MSN: variants seen among roughly 807,000 people sequenced by gnomAD.
MSN encodes epididymis luminal protein 70.
MSN carries 2 observed loss-of-function variants against 48.0 expected under a neutral mutation model. The ratio of observed to expected loss-of-function variants is 0.04; its 90% CI spans 0.02 to 0.13. The LOEUF (loss-of-function observed/expected upper bound fraction) is 0.13, where lower values mean the gene tolerates loss of function less well. MSN is among the 10% of genes least tolerant of loss of function. The probability of loss-of-function intolerance (pLI) is 1.00; values close to 1 mark genes in which losing one functional copy is unlikely to be tolerated. For missense variants in MSN, 267 were observed against 470.1 expected (o/e 0.57, Z 3.99); for synonymous variants, 146 against 166.9 (o/e 0.87, Z 0.97).
intron 1 of MSN, among the ~76,000 whole-genome samples, chrX:65,714,827 T>C (rs1421335213): frequency 1.8e-5 from 2 of 112,238 alleles, no homozygotes; most frequent in South Asian, 3.7e-4. Flanking sequence ...ATCTCATTTG[T>C]CAATTTTTGC....
At chrX:65,605,314 T>C (rs1026594909) in intron 1 of MSN, among the ~76,000 whole-genome samples, 2 of 112,176 alleles carry the variant, frequency 1.8e-5, no homozygotes, top group African/African-American at 6.5e-5. Flanking sequence ...TTGCCTCCTC[T>C]TTCTTATTAC....
intron 1 of MSN, among the ~76,000 whole-genome samples, chrX:65,601,350 G>A (rs2070233612): frequency 8.9e-6 from 1 of 112,092 alleles, no homozygotes; most frequent in Non-Finnish European, 1.9e-5. Flanking sequence ...CCTTGGGTGG[G>A]GTGAGGAGGG....
chrX:65,715,551 T>C (rs1418023374), intron 1 of MSN, among the ~76,000 whole-genome samples: 2 of 111,899 alleles, frequency 1.8e-5, no homozygotes, highest in African/African-American at 6.5e-5. Context: ...CTTCCCTAGT[T>C]AACAGTATTC....
chrX:65,694,061 AC>A (rs780469946), intron 1 of MSN, among the ~76,000 whole-genome samples: 2 of 108,584 alleles, frequency 1.8e-5, no homozygotes, highest in Non-Finnish European at 3.8e-5. Context: ...TCAAACAAAC[AC>A]ACAAACAAAA....
At chrX:65,680,258 T>C (rs1420089858) in intron 1 of MSN, among the ~76,000 whole-genome samples, 1 of 112,253 alleles carries the variant, frequency 8.9e-6, no homozygotes, top group Non-Finnish European at 1.9e-5. Context: ...CATTTTAACA[T>C]GGCAATAATT....
intron 1 of MSN, among the ~76,000 whole-genome samples, chrX:65,593,806 G>A (rs1187519478): frequency 1.8e-5 from 2 of 112,893 alleles, no homozygotes; most frequent in Non-Finnish European, 3.7e-5. Context: ...GCCTCCCAAA[G>A]TGCTGGGATT....
chrX:65,618,554 G>T (rs1361406513), intron 1 of MSN, among the ~76,000 whole-genome samples: 9 of 111,133 alleles, frequency 8.1e-5, no homozygotes, highest in African/African-American at 1.6e-4. Flanking sequence ...GTTTTCCATT[G>T]GCTTGGTAGA....
intron 1 of MSN, among the ~76,000 whole-genome samples, chrX:65,708,491 C>T (rs2071383638): frequency 9.1e-6 from 1 of 110,054 alleles, no homozygotes; most frequent in Non-Finnish European, 1.9e-5. Flanking sequence ...TGGGGTTTTG[C>T]CATGTTGGCC....
At chrX:65,615,227 G>A (rs1413054389) in intron 1 of MSN, among the ~76,000 whole-genome samples, 2 of 109,019 alleles carry the variant, frequency 1.8e-5, no homozygotes, top group East Asian at 2.9e-4. Flanking sequence ...CCCAGTAATG[G>A]GATGGCTGGG....
chrX:65,675,929 C>T lies in MSN; in HGVS notation c.12+8076C>T, dbSNP rs181596381. On this transcript the variant is annotated intron_variant, in intron 1 of 12. Transcript: ENST00000360270. Reference sequence around the variant, plus strand: ...GTGGGATTACAGGTGTGAGCCACCACGCCCAGCCTGGGCAAATTAATTTTT... The same window carrying T: ...GTGGGATTACAGGTGTGAGCCACCATGCCCAGCCTGGGCAAATTAATTTTT... Among the ~76,000 whole-genome samples the T allele has an allele frequency of 2.4e-3, 275 of 112,708 alleles. 3 individuals carry two copies. Among genetic ancestry groups the T allele is most frequent in the African/African-American group, 8.5e-3 (265 of 31,083 alleles).
At chrX:65,594,125 T>C (rs1052323885) in intron 1 of MSN, among the ~76,000 whole-genome samples, 7 of 111,590 alleles carry the variant, frequency 6.3e-5, no homozygotes, top group Non-Finnish European at 1.3e-4. Context: ...GACCTTCTCA[T>C]TGCCTAGAAG....
At chrX:65,598,875 T>C (rs1393187046) in intron 1 of MSN, among the ~76,000 whole-genome samples, 1 of 112,318 alleles carries the variant, frequency 8.9e-6, no homozygotes, top group Non-Finnish European at 1.9e-5. Context: ...TGCATGCCTA[T>C]TAAGGCTGAC....
At chrX:65,667,520 T>C (rs1268828758), upstream of MSN, 1 of 586,247 alleles carries the variant, frequency 1.7e-6, no homozygotes, top group Non-Finnish European at 2.1e-6. Flanking sequence ...GTGGCCGCTG[T>C]GGCCTGGCTG....
At chrX:65,674,020 G>A (rs947646616) in intron 1 of MSN, among the ~76,000 whole-genome samples, 4 of 111,089 alleles carry the variant, frequency 3.6e-5, no homozygotes, top group Non-Finnish European at 5.7e-5. Flanking sequence ...TCCTCTGAGT[G>A]TGTAGAGCTG....
intron 1 of MSN, among the ~76,000 whole-genome samples, chrX:65,655,819 T>A (rs1198222945): frequency 7.1e-5 from 8 of 112,359 alleles, no homozygotes; most frequent in Non-Finnish European, 1.3e-4. Flanking sequence ...CAGGCTGGAG[T>A]GCAGTGGCGT....
chrX:65,715,972 G>T (rs1048589466), intron 1 of MSN, among the ~76,000 whole-genome samples: 1 of 111,944 alleles, frequency 8.9e-6, no homozygotes, highest in African/African-American at 3.2e-5. Context: ...TTATCAGATG[G>T]CTCTTATTAT....
At chrX:65,694,614 C>A (rs750671832) in intron 1 of MSN, among the ~76,000 whole-genome samples, 1 of 112,277 alleles carries the variant, frequency 8.9e-6, no homozygotes, top group East Asian at 2.8e-4. Context: ...CAGGCGTGAG[C>A]CACCACGCCC....
At chrX:65,673,885 C>T (rs778421545) in intron 1 of MSN, among the ~76,000 whole-genome samples, 5 of 111,463 alleles carry the variant, frequency 4.5e-5, no homozygotes, top group Non-Finnish European at 9.4e-5. Flanking sequence ...TGCTTGGCTC[C>T]AGTGTAGGGG....
chrX:65,723,856 C>T (rs1354237917), intron 2 of MSN, among the ~76,000 whole-genome samples: 6 of 110,826 alleles, frequency 5.4e-5, no homozygotes, highest in African/African-American at 2.0e-4. Flanking sequence ...TCCTTCCCGC[C>T]ACGTCCTCAA....
Sources: allele counts gnomAD v4.1 joint callset (sites outside exome capture counted in the v4.1 genomes callset), GRCh38; gene constraint gnomAD v4.1.1; transcripts MANE v1.5; gene names NCBI Gene and HGNC (gene_info 2026-07-23, HGNC 2026-07-21).